Variants in IQSEC1 observed in about 807,000 individuals in gnomAD.
IQSEC1 encodes IQ motif and SEC7 domain-containing protein 1.
A neutral mutation model predicts 91.0 loss-of-function variants in IQSEC1; 31 were observed. That is an observed-to-expected ratio of 0.34 (90% CI 0.26 to 0.46). The LOEUF is 0.46. IQSEC1 is among the 20% of genes least tolerant of loss of function. The probability of loss-of-function intolerance (pLI) is 1.00; values close to 1 mark genes in which losing one functional copy is unlikely to be tolerated. For synonymous variants in IQSEC1, 699 were observed against 662.6 expected (o/e 1.05, Z -0.84); for missense variants, 1,388 against 1,575.6 (o/e 0.88, Z 2.02).
At chr3:12,915,048 T>G (rs945291375) in intron 8 of IQSEC1, 56 bp downstream of exon 8, 95 of 1,558,102 alleles carry the variant, frequency 6.1e-5, no homozygotes, top group Non-Finnish European at 8.2e-5. Context: ...TGGCTGATGC[T>G]GGGCCTCCCC....
Position 13,148,228 on chromosome 3 carries a change from C to A in IQSEC1, c.302+15876G>T, listed in dbSNP as rs548283400. Among the ~76,000 whole-genome samples, 15 of 152,296 alleles carry A rather than the reference C, an allele frequency of 9.8e-5. No homozygotes were observed. The South Asian group carries it at 3.1e-3, about 32-fold the overall frequency. ...GTGCTGATAACAGGACCCTCCTCCC[C>A]ACCCAGGAGAGCACCATAGAGACAC... On this transcript the variant is annotated intron_variant, in intron 2 of 15. Coordinates refer to the IQSEC1 transcript ENST00000648114.
chr3:13,248,139 A>T (rs1695138280), intron 1 of IQSEC1, among the ~76,000 whole-genome samples: 1 of 152,102 alleles, frequency 6.6e-6, no homozygotes, highest in East Asian at 2.0e-4. Flanking sequence ...CCCAGACTGC[A>T]GGAAGGGCAA....
At chr3:13,248,531 G>C (rs948009726) in intron 1 of IQSEC1, among the ~76,000 whole-genome samples, 1 of 152,120 alleles carries the variant, frequency 6.6e-6, no homozygotes, top group African/African-American at 2.4e-5. Context: ...CCCACTCCAA[G>C]GCCTGTCCAC....
chr3:13,165,578 G>GTGTGTGTGTGTGTGTGTGTGTGTCTGTC (rs1377649445), intron 1 of IQSEC1, among the ~76,000 whole-genome samples: 3 of 105,684 alleles, frequency 2.8e-5, no homozygotes, highest in African/African-American at 4.1e-5. Flanking sequence ...GTGTGTGTGT[G>GTGTGTGTGTGTGTGTGTGTGTGTCTGTC]TGTCTGTCTG....
intron 1 of IQSEC1, among the ~76,000 whole-genome samples, chr3:13,051,059 C>T (rs9310416): frequency 0.035 from 5,275 of 152,252 alleles, 308 homozygotes; most frequent in African/African-American, 0.12. Context: ...TTTGCCAGCC[C>T]CAAGTCCAGA....
intron 1 of IQSEC1, among the ~76,000 whole-genome samples, chr3:13,043,209 C>A (rs184385084): frequency 6.6e-6 from 1 of 152,338 alleles, no homozygotes; most frequent in African/African-American, 2.4e-5. Context: ...CATTGTTGGG[C>A]AGAGGGACCC....
At chr3:13,023,447 G>T (rs1187543345) in intron 1 of IQSEC1, among the ~76,000 whole-genome samples, 2 of 152,164 alleles carry the variant, frequency 1.3e-5, no homozygotes, top group African/African-American at 2.4e-5. Context: ...CCCCCAGGAA[G>T]TCCCCCAGAA....
intron 1 of IQSEC1, among the ~76,000 whole-genome samples, chr3:13,213,686 T>C (rs1432093282): frequency 1.3e-5 from 2 of 152,164 alleles, no homozygotes; most frequent in Non-Finnish European, 1.5e-5. Flanking sequence ...ATTACCAGAC[T>C]GCAAGCTAAG....
rs774644484 is a variant in IQSEC1 at position 12,941,808 on chromosome 3, G to C, written c.81C>G (p.Ala27=). 1.9e-6 allele frequency: 3 copies of C among 1,610,140 alleles called. No homozygotes were observed. In the African/African-American group the frequency reaches 4.0e-5, roughly 21 times the overall value. ...ETGTSLDSPS[A]YPQGPLVPGS... ...CGGGCACCAAGGGGCCCTGGGGGTA[G>C]GCTGAGGGGCTGTCCAGGGATGTGC... Residue 27 remains alanine, a synonymous_variant, in exon 2 of 14, where the codon GCC becomes GCG. Transcript: ENST00000613206.
At chr3:13,245,411 C>G (rs1263554697) in intron 1 of IQSEC1, among the ~76,000 whole-genome samples, 1 of 152,178 alleles carries the variant, frequency 6.6e-6, no homozygotes. Context: ...AGTCTGGATT[C>G]AAGGGGTGGA....
At chr3:12,906,825 A>G (rs1171927352) in intron 12 of IQSEC1, among the ~76,000 whole-genome samples, 1 of 152,146 alleles carries the variant, frequency 6.6e-6, no homozygotes, top group African/African-American at 2.4e-5. Context: ...GGCTAAGGGA[A>G]GGGAGAGGGC....
chr3:13,043,933 ACCCCATC>A (rs1190821002), intron 1 of IQSEC1, among the ~76,000 whole-genome samples: 1 of 152,094 alleles, frequency 6.6e-6, no homozygotes, highest in East Asian at 1.9e-4. Context: ...CACAGAGAAG[ACCCCATC>A]CCCAGAGGTG....
At chr3:13,162,909 A>C in intron 2 of IQSEC1, among the ~76,000 whole-genome samples, 2 of 127,402 alleles carry the variant, frequency 1.6e-5, no homozygotes, top group Admixed American at 7.9e-5. Flanking sequence ...TCCCCCCCTT[A>C]TCCCTTTAGC....
chr3:12,967,363 G>A lies in IQSEC1; in HGVS notation c.24-25498C>T, dbSNP rs1414803260. The A allele has an allele frequency of 6.6e-6, 10 of 1,526,712 alleles. No individual in the cohort carries two copies. The highest frequency in any genetic ancestry group is 7.9e-6 in the Non-Finnish European group (9 of 1,139,864). 94.6% of individuals were successfully genotyped at this position (1,526,712 alleles called of 1,614,324 possible). A position where few individuals can be genotyped will look rare whatever the true frequency, so the allele number is the denominator to read the frequency against. On this transcript the variant is annotated intron_variant, in intron 1 of 13. Transcript: ENST00000613206. The surrounding 1 kb of genome is among the most constrained non-coding windows in gnomAD (Gnocchi z 5.9). ...CCACCGCTCAGCACCCGGGAAGGCC[G>A]CTCGCCCCGCGCCGCGCCCTCACCC...
intron 1 of IQSEC1, among the ~76,000 whole-genome samples, chr3:13,225,880 T>TTA (rs1694744678): frequency 1.2e-5 from 1 of 86,206 alleles, no homozygotes; most frequent in African/African-American, 3.3e-5. Context: ...ATTCATCAAT[T>TTA]TTTTTTTTTC....
At chr3:13,176,433 A>G (rs144004794) in intron 1 of IQSEC1, among the ~76,000 whole-genome samples, 90 of 152,250 alleles carry the variant, frequency 5.9e-4, no homozygotes, top group African/African-American at 2.1e-3. Context: ...CCTTACCCCT[A>G]GCCTGACCCT....
chr3:13,207,119 T>C lies in IQSEC1; in HGVS notation c.273-42986A>G, dbSNP rs773899928. The stretch of plus-strand genomic sequence containing the variant: ...TGCTGGCCCTGACAATTTCTACTAC[T>C]GCATCGTGGGACCACCCAACTTGTG... On this transcript the variant is annotated intron_variant, in intron 1 of 15. Transcript: ENST00000648114. This position sits in a 1 kb window ranked among gnomAD's most constrained non-coding sequence, Gnocchi z 4.8. Among the ~76,000 whole-genome samples the C allele has an allele frequency of 5.9e-5, 9 of 152,236 alleles. No homozygotes were observed. The South Asian group carries it at 1.2e-3, about 21-fold the overall frequency.
At chr3:13,075,083 A>T (rs1440565381), upstream of IQSEC1, among the ~76,000 whole-genome samples, 3 of 152,202 alleles carry the variant, frequency 2.0e-5, no homozygotes, top group Non-Finnish European at 4.4e-5. Context: ...ATCTTCCTGT[A>T]GCACGGACCT....
At chr3:13,150,986 G>C (rs1186803721) in intron 2 of IQSEC1, among the ~76,000 whole-genome samples, 1 of 152,220 alleles carries the variant, frequency 6.6e-6, no homozygotes, top group Admixed American at 6.5e-5. Context: ...CATCCCAGGG[G>C]GGCTGCCCTC....
Sources: allele counts gnomAD v4.1 joint callset (sites outside exome capture counted in the v4.1 genomes callset), GRCh38; gene constraint gnomAD v4.1.1; non-coding constraint Gnocchi (gnomAD v3.1); transcripts MANE v1.5; gene names NCBI Gene and HGNC (gene_info 2026-07-23, HGNC 2026-07-21).